Variants in PALB2 observed in about 807,000 individuals in gnomAD.
PALB2 encodes the protein mutant partner and localizer of BRCA2.
PALB2 carries 82 observed loss-of-function variants against 107.4 expected under a neutral mutation model. The ratio of observed to expected loss-of-function variants is 0.76; its 90% CI spans 0.64 to 0.92. The LOEUF (loss-of-function observed/expected upper bound fraction) is 0.92. Ranked by LOEUF, PALB2 falls within the 40% of genes least tolerant of loss-of-function variation. PALB2 has a pLI of 0.00. For synonymous variants in PALB2, 489 were observed against 496.8 expected (o/e 0.98, Z 0.21); for missense variants, 1,374 against 1,379.9 (o/e 1.00, Z 0.07).
In PALB2 at chr16:23,629,672, A is replaced by G. The variant is rs876660545; in HGVS notation, c.2482T>C (p.Cys828Arg). The change falls in exon 5 of 13, where the codon TGC (cysteine) becomes CGC (arginine). Residue 828 changes from cysteine (C) to arginine (R), a missense_variant. Physicochemically the swap from Cys to Arg is radical, Grantham distance 180 (BLOSUM62 -3). Transcript: ENST00000261584. Reference protein sequence around the residue: ...FKENQLCRNTCQELHKHSVEQ... With the variant: ...FKENQLCRNTRQELHKHSVEQ... Reference sequence around the variant, plus strand: ...ACGGAATGTTTATGCAGCTCCTGGCATGTGTTTCTACAGAGCTGATTTTCT... The same window carrying G: ...ACGGAATGTTTATGCAGCTCCTGGCGTGTGTTTCTACAGAGCTGATTTTCT... The G allele has an allele frequency of 5.0e-6, 8 of 1,614,228 alleles. No homozygotes were observed. Among genetic ancestry groups the G allele is most frequent in the African/African-American group, 2.7e-5 (2 of 75,060 alleles).
rs774503574 is a variant in PALB2 at position 23,629,797 on chromosome 16, T to C, written c.2357A>G (p.His786Arg). 3 of 1,614,184 alleles carry C rather than the reference T, an allele frequency of 1.9e-6. No individual in the cohort carries two copies. The South Asian group carries it at 3.3e-5, about 18-fold the overall frequency. ...FDSSGSPAKP[H>R]TTLQVSGRQG... ...CCTGCCTGACACTTGCAGGGTGGTA[T>C]GTGGTTTTGCTGGGCTGCCTGAACT... is the stretch of plus-strand genomic sequence containing the variant. Residue 786 changes from histidine (H) to arginine (R), a missense_variant, in exon 5 of 13, where the codon CAT (histidine) becomes CGT (arginine). Transcript: ENST00000261584.
rs587782765 is a variant in PALB2 at position 23,629,753 on chromosome 16, C to T, written c.2401G>A (p.Asp801Asn). The T allele has an allele frequency of 3.7e-6, 6 of 1,614,082 alleles. No individual in the cohort carries two copies. Among genetic ancestry groups the T allele is most frequent in the African/African-American group, 1.3e-5 (1 of 74,932 alleles). Residue 801 changes from aspartate to asparagine, a missense_variant, in exon 5 of 13, where the codon GAC (aspartate) becomes AAC (asparagine). Physicochemically the swap from Asp to Asn is conservative, Grantham distance 23. Coordinates refer to ENST00000261584, the MANE Select transcript of PALB2 (RefSeq NM_024675.4). ...GTTCCTGGCGGGACAGAGTCACAGTCACAGGTAGGTTGTCCTTGCCTGCCT... is the reference window on the plus strand; with the variant it reads ...GTTCCTGGCGGGACAGAGTCACAGTTACAGGTAGGTTGTCCTTGCCTGCCT... ...VSGRQGQPTC[D>N]CDSVPPGTPP...
chr16:23,616,924 T>C (rs955354040), intron 10 of PALB2, among the ~76,000 whole-genome samples: 46 of 152,110 alleles, frequency 3.0e-4, no homozygotes, highest in South Asian at 1.0e-3. Context: ...GCCATTCTCC[T>C]GCCTCAGCCT....
chr16:23,621,723 AT>A (rs1450856788), intron 9 of PALB2, among the ~76,000 whole-genome samples: 2 of 152,224 alleles, frequency 1.3e-5, no homozygotes, highest in African/African-American at 4.8e-5. Flanking sequence ...AACTTTTTCT[AT>A]AAACCTTTTG....
chr16:23,612,013 G>A (rs986525432), intron 11 of PALB2, among the ~76,000 whole-genome samples: 1 of 152,186 alleles, frequency 6.6e-6, no homozygotes, highest in African/African-American at 2.4e-5. Context: ...ATCCTACTAG[G>A]CTAGGGAAAG....
intron 4 of PALB2, 113 bp downstream of exon 4, chr16:23,634,746 GCCA>G: frequency 2.9e-6 from 4 of 1,400,762 alleles, no homozygotes; most frequent in Non-Finnish European, 3.9e-6. Flanking sequence ...ACAGACGTAA[GCCA>G]CCACACTTGG....
In PALB2 at chr16:23,605,092, T is replaced by C. The variant is rs552504856; in HGVS notation, c.3351-1423A>G. Among the ~76,000 whole-genome samples the C allele has an allele frequency of 5.8e-4, 88 of 152,110 alleles. 1 individual carries two copies. Among genetic ancestry groups the C allele is most frequent in the African/African-American group, 2.1e-3 (87 of 41,514 alleles). Reference sequence around the variant, plus strand: ...CCGTCTCAAAAAAAAAATTAGCTATTATTATTATTCACTGCTGTATCACTG... The same window carrying C: ...CCGTCTCAAAAAAAAAATTAGCTATCATTATTATTCACTGCTGTATCACTG... On this transcript the variant is annotated intron_variant, in intron 12 of 12. Transcript: ENST00000261584.
At chr16:23,637,751 G>C (rs1435981446) in intron 3 of PALB2, 99 bp downstream of exon 3, 1 of 869,336 alleles carries the variant, frequency 1.2e-6, no homozygotes, top group African/African-American at 1.7e-5. Context: ...AGCGTCTATT[G>C]CTAGTCATTA....
At chr16:23,612,682 A>G (rs1717239350) in intron 11 of PALB2, among the ~76,000 whole-genome samples, 1 of 151,790 alleles carries the variant, frequency 6.6e-6, no homozygotes, top group Admixed American at 6.6e-5. Flanking sequence ...GCATGCCACC[A>G]TGCCTGGCTA....
Position 23,629,725 on chromosome 16 carries a change from G to A in PALB2, c.2429C>T (p.Pro810Leu), listed in dbSNP as rs1555460335. 6.2e-7 allele frequency: 1 copy of A among 1,614,222 alleles called. No individual in the cohort carries two copies. The change falls in exon 5 of 13, where the codon CCT becomes CTT. Residue 810 changes from proline to leucine, a missense_variant. Coordinates refer to ENST00000261584, the MANE Select transcript of PALB2 (RefSeq NM_024675.4). Reference sequence around the variant, plus strand: ...AAAAGTGAATGACTCAATGGGTGGAGGTGTTCCTGGCGGGACAGAGTCACA... The same window carrying A: ...AAAAGTGAATGACTCAATGGGTGGAAGTGTTCCTGGCGGGACAGAGTCACA... ...CDCDSVPPGT[P>L]PPIESFTFKE...
At position 23,636,041 on chromosome 16, in the gene PALB2, G is replaced by A. The variant is rs180177086; in HGVS notation, c.505C>T (p.Leu169Phe). Reference protein sequence around the residue: ...ERDCVFGTDSLRLSGKRLKEQ... With the variant: ...ERDCVFGTDSFRLSGKRLKEQ... ...TTTAGTCTTTTCCCAGACAATCTGA[G>A]TGAATCAGTGCCAAAGACACAGTCT... Residue 169 changes from leucine (L) to phenylalanine (F), a missense_variant, in exon 4 of 13, where the codon CTC (leucine) becomes TTC (phenylalanine). Coordinates refer to ENST00000261584, the MANE Select transcript of PALB2 (RefSeq NM_024675.4). The A allele has an allele frequency of 1.2e-6, 2 of 1,614,086 alleles. No homozygotes were observed. Among genetic ancestry groups the A allele is most frequent in the East Asian group, 2.2e-5 (1 of 44,874 alleles).
rs1597088273 is a variant in PALB2, at chr16:23,629,281, A to G, written c.2515-6T>C. 5.0e-6 allele frequency: 8 copies of G among 1,612,344 alleles called. No homozygotes were observed. The highest frequency in any genetic ancestry group is 5.9e-6 in the Non-Finnish European group (7 of 1,179,056). On this transcript the variant is annotated splice_polypyrimidine_tract_variant and splice_region_variant and intron_variant, in intron 5 of 12. Coordinates refer to ENST00000261584, the MANE Select transcript of PALB2 (RefSeq NM_024675.4). ...GGAAGCTCTGCTGTTTCAGTCTGTGAAAACAAAAGTCACATCATTAGTCTA... is the reference window on the plus strand; with the variant it reads ...GGAAGCTCTGCTGTTTCAGTCTGTGGAAACAAAAGTCACATCATTAGTCTA...
intron 7 of PALB2, among the ~76,000 whole-genome samples, chr16:23,625,665 T>C (rs946532503): frequency 1.3e-5 from 2 of 151,962 alleles, no homozygotes; most frequent in Non-Finnish European, 2.9e-5. Flanking sequence ...GGCATGGTGG[T>C]GGGCACCTGT....
rs1597090905 is a variant in PALB2, at chr16:23,630,274, A to G, written c.1880T>C (p.Val627Ala). The G allele has an allele frequency of 6.2e-7, 1 of 1,614,166 alleles. No individual in the cohort carries two copies. Among genetic ancestry groups the G allele is most frequent in the East Asian group, 2.2e-5 (1 of 44,878 alleles). Residue 627 changes from valine to alanine, a missense_variant, in exon 5 of 13, where the codon GTG becomes GCG. Val to Ala is a moderately conservative substitution (Grantham distance 64). Coordinates refer to ENST00000261584, the MANE Select transcript of PALB2 (RefSeq NM_024675.4). ...EDFGPLKLEK[V>A]KSCSEKPVEP... is the part of the protein sequence containing the mutation. ...CACTGGTTTTTCTGAGCAGGACTTC[A>G]CTTTTTCAAGCTTAAGAGGTCCAAA...
chr16:23,611,138 G>T (rs180723410), intron 11 of PALB2, among the ~76,000 whole-genome samples: 1 of 148,150 alleles, frequency 6.7e-6, no homozygotes, highest in Admixed American at 6.7e-5. Flanking sequence ...CTATCTATTC[G>T]TTGTTGTTGT....
rs1597095555 is a variant in PALB2 at position 23,634,959 on chromosome 16, T to G, written c.1587A>C (p.Pro529=). 1 of 1,614,174 alleles carries G rather than the reference T, an allele frequency of 6.2e-7. No homozygotes were observed. The highest frequency in any genetic ancestry group is 8.5e-7 in the Non-Finnish European group (1 of 1,180,040). The change falls in exon 4 of 13, where the codon CCA becomes CCC. Residue 529 remains proline (P), a synonymous_variant. Transcript: ENST00000261584. ...TCGACAGGCTAGAAGTTGGCAAAAG[T>G]GGTTCACAATGATCTGATGCTGGGG... ...ACTPASDHCE[P]LLPTSSLSIV... is the part of the protein sequence containing the mutation.
intron 4 of PALB2, among the ~76,000 whole-genome samples, chr16:23,631,939 C>A (rs1966881646): frequency 6.6e-6 from 1 of 152,178 alleles, no homozygotes; most frequent in Non-Finnish European, 1.5e-5. Context: ...CTCTGCCTCC[C>A]AGGCTCAAGC....
intron 8 of PALB2, among the ~76,000 whole-genome samples, 175 bp from the exon 9 acceptor site, chr16:23,623,305 C>A (rs913212718): frequency 6.7e-6 from 1 of 149,514 alleles, no homozygotes; most frequent in Non-Finnish European, 1.5e-5. Context: ...CAGGTTCAAG[C>A]GACTGTCCTG....
chr16:23,610,418 C>T (rs1001706804), intron 11 of PALB2, among the ~76,000 whole-genome samples: 3 of 151,098 alleles, frequency 2.0e-5, no homozygotes, highest in South Asian at 4.2e-4. Flanking sequence ...AAGCAATTCT[C>T]CTTCCTCAGC....
Sources: allele counts gnomAD v4.1 joint callset (sites outside exome capture counted in the v4.1 genomes callset), GRCh38; gene constraint gnomAD v4.1.1; transcripts MANE v1.5; gene names NCBI Gene and HGNC (gene_info 2026-07-23, HGNC 2026-07-21).